The following TYW1B variants were observed in gnomAD, a reference collection of about 807,000 sequenced individuals.
The protein encoded by TYW1B is S-adenosyl-L-methionine-dependent tRNA 4-demethylwyosine synthase TYW1B.
TYW1B carries 73 observed loss-of-function variants against 86.9 expected under a neutral mutation model. The ratio of observed to expected loss-of-function variants is 0.84; its 90% CI spans 0.70 to 1.02. TYW1B has a LOEUF of 1.02. Among genes scored for constraint, TYW1B ranks in the 50% least tolerant of loss-of-function variants. The pLI, the probability that TYW1B is intolerant of heterozygous loss-of-function variation, is 0.00. For missense variants in TYW1B, 637 were observed against 827.4 expected, an observed-to-expected ratio of 0.77 and a Z score of 2.82; for synonymous variants, 248 against 292.8, an observed-to-expected ratio of 0.85 and a Z score of 1.56.
At chr7:72,737,097 T>C (rs1260111731) in intron 8 of TYW1B, among the ~76,000 whole-genome samples, 2 of 152,152 alleles carry the variant, frequency 1.3e-5, no homozygotes, top group Non-Finnish European at 2.9e-5. Context: ...ACAGCAACCC[T>C]GTAAGGAAGG....
At chr7:72,725,910 G>A (rs1786990374) in intron 9 of TYW1B, among the ~76,000 whole-genome samples, 2 of 151,684 alleles carry the variant, frequency 1.3e-5, no homozygotes, top group Non-Finnish European at 2.9e-5. Context: ...ACACATACAC[G>A]TACATACACA....
chr7:72,796,767 G>T (rs1554474523), intron 6 of TYW1B, among the ~76,000 whole-genome samples: 1 of 150,600 alleles, frequency 6.6e-6, no homozygotes, highest in East Asian at 2.0e-4. Flanking sequence ...CATAAGGAAT[G>T]CTATTCAGAA....
intron 12 of TYW1B, among the ~76,000 whole-genome samples, chr7:72,624,730 A>G (rs1395957777): frequency 1.3e-5 from 2 of 152,196 alleles, no homozygotes; most frequent in African/African-American, 4.8e-5. Flanking sequence ...AGTAACATGA[A>G]CTGTTATTTA....
chr7:72,616,566 C>A (rs1812076533), intron 13 of TYW1B, 106 bp downstream of exon 13: 2 of 1,548,814 alleles, frequency 1.3e-6, no homozygotes, highest in African/African-American at 2.8e-5. Flanking sequence ...AGGTAGCAAG[C>A]ACGCAGATCA....
At chr7:72,633,513 T>C (rs1276033348) in intron 11 of TYW1B, among the ~76,000 whole-genome samples, 2 of 152,208 alleles carry the variant, frequency 1.3e-5, no homozygotes, top group Non-Finnish European at 2.9e-5. Flanking sequence ...CATGAATGTA[T>C]AACTCCAGGG....
intron 13 of TYW1B, among the ~76,000 whole-genome samples, chr7:72,586,431 T>C (rs1207316254): frequency 2.6e-5 from 4 of 152,304 alleles, no homozygotes; most frequent in Non-Finnish European, 4.4e-5. Context: ...AATCATTTGG[T>C]TGGCAGAGAA....
rs1554479229 is a variant in TYW1B at position 72,815,418 on chromosome 7, G to T, written c.199C>A (p.Leu67Ile). The T allele has an allele frequency of 6.2e-7, 1 of 1,609,384 alleles. No homozygotes were observed. Among genetic ancestry groups the T allele is most frequent in the Admixed American group, 1.7e-5 (1 of 58,760 alleles). The change falls in exon 3 of 14, where the codon CTA becomes ATA. Residue 67 changes from leucine (L) to isoleucine (I), a missense_variant. Transcript: ENST00000620995. Reference protein sequence around the residue: ...SLDLPVAIINLKEYDPDDHLI... With the variant: ...SLDLPVAIINIKEYDPDDHLI... ...TGATCATCTGGATCATATTCTTTTAGATTAATAATGGCCACAGGCAGATCC... is the reference window on the plus strand; with the variant it reads ...TGATCATCTGGATCATATTCTTTTATATTAATAATGGCCACAGGCAGATCC...
chr7:72,593,278 A>G (rs1811441321), intron 13 of TYW1B, among the ~76,000 whole-genome samples: 2 of 145,264 alleles, frequency 1.4e-5, no homozygotes, highest in Admixed American at 6.9e-5. Context: ...GGGCAACAAG[A>G]GCAAAACTCC....
rs578234817 is a variant in TYW1B, at chr7:72,675,572, T to C, written c.1506+19115A>G. Among the ~76,000 whole-genome samples, 19 of 149,294 alleles carry C rather than the reference T, an allele frequency of 1.3e-4. No homozygotes were observed. In the East Asian group the frequency reaches 1.6e-3, roughly 12 times the overall value. On this transcript the variant is annotated intron_variant, in intron 11 of 13. Transcript: ENST00000620995. ...ATATATATATACACACATATATATA[T>C]ACACACACACATATATATATATACA... is the stretch of plus-strand genomic sequence containing the variant.
intron 7 of TYW1B, among the ~76,000 whole-genome samples, chr7:72,757,597 A>G (rs1294685401): frequency 1.3e-5 from 2 of 152,180 alleles, no homozygotes; most frequent in African/African-American, 2.4e-5. Context: ...GACTGTCTAC[A>G]ATGGCCTAGA....
intron 12 of TYW1B, among the ~76,000 whole-genome samples, chr7:72,621,442 G>C (rs1224933113): frequency 6.6e-6 from 1 of 152,102 alleles, no homozygotes; most frequent in Non-Finnish European, 1.5e-5. Flanking sequence ...GCTAACAATG[G>C]ACCATCAGCC....
In TYW1B at chr7:72,677,737, C is replaced by T. The variant is rs545307078; in HGVS notation, c.1506+16950G>A. Among the ~76,000 whole-genome samples the T allele has an allele frequency of 3.1e-4, 47 of 152,216 alleles. 1 individual carries two copies. The South Asian group carries it at 9.5e-3, about 31-fold the overall frequency. On this transcript the variant is annotated intron_variant, in intron 11 of 13. Coordinates refer to ENST00000620995, the MANE Select transcript of TYW1B (RefSeq NM_001145440.3). Reference sequence around the variant, plus strand: ...TTTTTTTTTGAGATGAAGTCTTGCTCTATCACCAGGCTGGAGTGCAGTAGC... The same window carrying T: ...TTTTTTTTTGAGATGAAGTCTTGCTTTATCACCAGGCTGGAGTGCAGTAGC...
At chr7:72,672,698 T>C (rs1244984271) in intron 11 of TYW1B, among the ~76,000 whole-genome samples, 1 of 152,142 alleles carries the variant, frequency 6.6e-6, no homozygotes, top group Non-Finnish European at 1.5e-5. Context: ...ACTGTAGATT[T>C]TGGTATCCAT....
In TYW1B at chr7:72,575,010, G is replaced by C. The variant is rs1162531378; in HGVS notation, c.*488C>G. On this transcript the variant is annotated 3_prime_UTR_variant, in exon 14 of 14. Coordinates refer to ENST00000620995, the MANE Select transcript of TYW1B (RefSeq NM_001145440.3). ...ACTTCGATTCTTTTCAGGAGGTGCT[G>C]TCTTAAGACAGAAGAAAGGGATCAA... The C allele has an allele frequency of 1.0e-6, 1 of 991,776 alleles. No homozygotes were observed. The highest frequency in any genetic ancestry group is 1.2e-6 in the Non-Finnish European group (1 of 833,558). 61.4% of individuals were successfully genotyped at this position (991,776 alleles called of 1,614,324 possible). A position where few individuals can be genotyped will look rare whatever the true frequency, so the allele number is the denominator to read the frequency against.
chr7:72,636,114 G>A (rs556679756), intron 11 of TYW1B, among the ~76,000 whole-genome samples: 4 of 152,236 alleles, frequency 2.6e-5, no homozygotes, highest in Admixed American at 6.5e-5. Context: ...TTCTCTCAAT[G>A]ATATTTTATA....
At chr7:72,609,852 A>T (rs1811893732) in intron 13 of TYW1B, among the ~76,000 whole-genome samples, 1 of 152,206 alleles carries the variant, frequency 6.6e-6, no homozygotes, top group East Asian at 1.9e-4. Flanking sequence ...ACGTGCCAGA[A>T]AACACATAAT....
chr7:72,658,853 T>C (rs553351003), intron 11 of TYW1B, among the ~76,000 whole-genome samples: 1 of 152,208 alleles, frequency 6.6e-6, no homozygotes, highest in South Asian at 2.1e-4. Flanking sequence ...CCCAAGCAGC[T>C]TGGATTATAG....
intron 13 of TYW1B, among the ~76,000 whole-genome samples, chr7:72,590,403 G>A (rs1387422098): frequency 5.3e-5 from 8 of 152,228 alleles, no homozygotes; most frequent in African/African-American, 1.9e-4. Flanking sequence ...GCCAGTCAGG[G>A]TGCCAAGCCC....
chr7:72,627,484 AC>A, intron 12 of TYW1B, among the ~76,000 whole-genome samples: 1 of 149,166 alleles, frequency 6.7e-6, no homozygotes, highest in Non-Finnish European at 1.5e-5. Flanking sequence ...ACATAACATA[AC>A]ATAACATAAC....
Sources: gnomAD v4.1 joint callset for allele counts (sites outside exome capture counted in the v4.1 genomes callset) on GRCh38, gnomAD v4.1.1 for gene constraint, MANE v1.5 for transcripts, NCBI Gene and HGNC (gene_info 2026-07-23, HGNC 2026-07-21) for gene names.